The following MOK variants were observed in gnomAD, a reference collection of about 807,000 sequenced individuals.
The protein encoded by MOK is MOK protein kinase, also known as MAPK/MAK/MRK overlapping kinase.
A neutral mutation model predicts 54.2 loss-of-function variants in MOK; 59 were observed. The ratio of observed to expected loss-of-function variants is 1.09; its 90% CI spans 0.88 to 1.35. The LOEUF (loss-of-function observed/expected upper bound fraction) is 1.35. Among genes scored for constraint, MOK ranks in the 40% most tolerant of loss-of-function variants. MOK has a pLI of 0.00. For missense variants in MOK, 517 were observed against 526.2 expected (o/e 0.98, Z 0.17); for synonymous variants, 210 against 202.7 (o/e 1.04, Z -0.31).
chr14:102,227,741 TC>T (rs1383255375), downstream of MOK, among the ~76,000 whole-genome samples: 2 of 152,034 alleles, frequency 1.3e-5, no homozygotes, highest in African/African-American at 4.8e-5. Flanking sequence ...TGCCCCACGC[TC>T]CCCGCCCTTG....
At chr14:102,248,516 C>A (rs963458331) in intron 7 of MOK, among the ~76,000 whole-genome samples, 1 of 152,118 alleles carries the variant, frequency 6.6e-6, no homozygotes, top group African/African-American at 2.4e-5. Flanking sequence ...CAGTGGCTCA[C>A]GCCTGTGATC....
Position 102,229,142 on chromosome 14 carries a change from C to T in MOK, c.*147G>A. 1 of 831,078 alleles carries T rather than the reference C, an allele frequency of 1.2e-6. No homozygotes were observed. Among genetic ancestry groups the T allele is most frequent in the Non-Finnish European group, 1.8e-6 (1 of 545,998 alleles). 51.5% of individuals were successfully genotyped at this position (831,078 alleles called of 1,614,324 possible). On this transcript the variant is annotated 3_prime_UTR_variant, in exon 12 of 12. Coordinates refer to ENST00000361847, the MANE Select transcript of MOK (RefSeq NM_014226.3). Reference sequence around the variant, plus strand: ...TGCGCGGGCCGCGGGTGCGGCAGGGCGCAGGGCAGCACCCAGAGCCCCGGC... The same window carrying T: ...TGCGCGGGCCGCGGGTGCGGCAGGGTGCAGGGCAGCACCCAGAGCCCCGGC...
rs2064560167 is a variant in MOK at position 102,230,315 on chromosome 14, G to T, written c.982-658C>A. On this transcript the variant is annotated intron_variant, in intron 10 of 11. Coordinates refer to ENST00000361847, the MANE Select transcript of MOK (RefSeq NM_014226.3). The surrounding 1 kb of genome is among the most constrained non-coding windows in gnomAD (Gnocchi z 4.1). ...CTACCCTGGCCTCCCTAAGCACTGGGTTTACAGGTGTGAGCCACCGCACCC... is the reference window on the plus strand; with the variant it reads ...CTACCCTGGCCTCCCTAAGCACTGGTTTTACAGGTGTGAGCCACCGCACCC... The T allele has an allele frequency of 6.6e-6, 1 of 152,186 alleles. No homozygotes were observed. The highest frequency in any genetic ancestry group is 6.6e-5 in the Admixed American group (1 of 15,264). The allele number at this position is 152,186 out of a possible 1,614,324, so 9.4% of individuals were successfully genotyped here. A position where few individuals can be genotyped will look rare whatever the true frequency, so the allele number is the denominator to read the frequency against.
the MOK span, chr14:102,215,086 C>T: frequency 2.6e-6 from 2 of 769,516 alleles, no homozygotes; most frequent in Non-Finnish European, 3.2e-6. Context: ...TTTTTAAATG[C>T]TGTAAAATTA....
intron 1 of MOK, among the ~76,000 whole-genome samples, chr14:102,299,248 T>C (rs1013949982): frequency 6.6e-6 from 1 of 152,182 alleles, no homozygotes; most frequent in African/African-American, 2.4e-5. Context: ...ACGCAGTGGC[T>C]CACGCCTGTA....
chr14:102,250,214 C>T (rs1191027088), intron 7 of MOK, among the ~76,000 whole-genome samples: 1 of 152,136 alleles, frequency 6.6e-6, no homozygotes, highest in Non-Finnish European at 1.5e-5. Context: ...AACCTCACTG[C>T]CACCTGCCTG....
intron 4 of MOK, among the ~76,000 whole-genome samples, chr14:102,257,013 G>A (rs1379758107): frequency 1.3e-5 from 2 of 151,750 alleles, no homozygotes; most frequent in African/African-American, 4.8e-5. Context: ...AAGGGCCTTC[G>A]CCATCCCTTC....
intron 1 of MOK, among the ~76,000 whole-genome samples, chr14:102,285,656 C>T (rs1397505093): frequency 3.3e-5 from 5 of 152,102 alleles, no homozygotes; most frequent in African/African-American, 1.2e-4. Context: ...CTTTGGGAGA[C>T]CCAGGTCGGT....
chr14:102,298,314 G>C (rs914087814), intron 1 of MOK, among the ~76,000 whole-genome samples: 9 of 152,088 alleles, frequency 5.9e-5, no homozygotes, highest in African/African-American at 2.2e-4. Context: ...CTAGCTAAGG[G>C]ATTGTAAATA....
the MOK span, among the ~76,000 whole-genome samples, chr14:102,215,394 TTC>T: frequency 6.6e-6 from 1 of 152,158 alleles, no homozygotes; most frequent in African/African-American, 2.4e-5. Context: ...ACATCCGACA[TTC>T]TGTCCAGCCA....
chr14:102,258,484 T>C (rs998065323), intron 4 of MOK, among the ~76,000 whole-genome samples: 9 of 152,366 alleles, frequency 5.9e-5, no homozygotes, highest in Admixed American at 2.0e-4. Flanking sequence ...GATAATTTCA[T>C]TTGTTTCCTG....
rs1275728060 is a variant in MOK, at chr14:102,228,907, G to C, written c.*382C>G. On this transcript the variant is annotated 3_prime_UTR_variant, in exon 12 of 12. Coordinates refer to ENST00000361847, the MANE Select transcript of MOK (RefSeq NM_014226.3). ...AGCGTCACTGGTAAGACATGATGGC[G>C]CTCCACGACTGACCAGCAGCGCTGG... is the stretch of plus-strand genomic sequence containing the variant. 4.5e-6 allele frequency: 1 copy of C among 220,686 alleles called. No homozygotes were observed. The highest frequency in any genetic ancestry group is 8.9e-6 in the Non-Finnish European group (1 of 112,546). The allele number at this position is 220,686 out of a possible 1,614,324, so 13.7% of individuals were successfully genotyped here.
downstream of MOK, among the ~76,000 whole-genome samples, chr14:102,220,932 G>A (rs746084720): frequency 2.0e-5 from 3 of 151,956 alleles, no homozygotes; most frequent in Non-Finnish European, 2.9e-5. This position sits in a 1 kb window ranked among gnomAD's most constrained non-coding sequence, Gnocchi z 4.2. Flanking sequence ...CACCACACCC[G>A]GCTAATTTTG....
chr14:102,288,701 A>G (rs1207381749), intron 1 of MOK, among the ~76,000 whole-genome samples: 2 of 152,204 alleles, frequency 1.3e-5, no homozygotes, highest in African/African-American at 2.4e-5. Context: ...TATAGTATGT[A>G]TATTTCAATA....
chr14:102,286,348 G>T (rs572662748), intron 1 of MOK, among the ~76,000 whole-genome samples: 1 of 146,522 alleles, frequency 6.8e-6, no homozygotes, highest in Admixed American at 6.8e-5. Context: ...CCGGCCGGGC[G>T]CAGTGGCTCA....
chr14:102,281,182 AGTGCTGTGACGCACGCCTGT>A (rs1473920805), intron 2 of MOK, among the ~76,000 whole-genome samples: 1 of 152,000 alleles, frequency 6.6e-6, no homozygotes. Context: ...AAATTAGCCG[AGTGCTGTGACGCACGCCTGT>A]AGTCCCAGAT....
intron 2 of MOK, among the ~76,000 whole-genome samples, chr14:102,269,250 G>A (rs964337553): frequency 5.3e-5 from 8 of 151,380 alleles, no homozygotes; most frequent in Non-Finnish European, 1.0e-4. Context: ...GCAGTGGCAC[G>A]ATCTAGGCTC....
At chr14:102,302,726 A>G (rs2072374385) in intron 1 of MOK, among the ~76,000 whole-genome samples, 1 of 151,860 alleles carries the variant, frequency 6.6e-6, no homozygotes, top group Admixed American at 6.6e-5. Flanking sequence ...GCATATGTAC[A>G]TATTTCTATA....
At chr14:102,294,200 A>T (rs1398062532) in intron 1 of MOK, among the ~76,000 whole-genome samples, 1 of 151,240 alleles carries the variant, frequency 6.6e-6, no homozygotes, top group African/African-American at 2.5e-5. Context: ...TAATCCCAGC[A>T]CTTTGGGAGG....
Sources: allele counts gnomAD v4.1 joint callset (sites outside exome capture counted in the v4.1 genomes callset), GRCh38; gene constraint gnomAD v4.1.1; non-coding constraint Gnocchi (gnomAD v3.1); transcripts MANE v1.5; gene names NCBI Gene and HGNC (gene_info 2026-07-23, HGNC 2026-07-21).